The following E2F6 variants were observed in gnomAD, a reference collection of about 807,000 sequenced individuals.
E2F6 encodes E2F transcription factor 6.
In E2F6, 19 loss-of-function variants were observed where a neutral mutation model predicts 31.5. The observed-to-expected ratio is 0.60, with a 90% CI of 0.42 to 0.89. The LOEUF (loss-of-function observed/expected upper bound fraction) is 0.89, where lower values mean the gene tolerates loss of function less well. Among genes scored for constraint, E2F6 ranks in the 40% least tolerant of loss-of-function variants. E2F6 has a pLI of 0.00. For missense variants in E2F6, 269 were observed against 341.6 expected (o/e 0.79, Z 1.67); for synonymous variants, 121 against 127.7 (o/e 0.95, Z 0.36).
At chr2:11,461,491 A>G (rs1032049017) in intron 1 of E2F6, among the ~76,000 whole-genome samples, 2 of 152,186 alleles carry the variant, frequency 1.3e-5, no homozygotes, top group African/African-American at 2.4e-5. Flanking sequence ...AGCTGGGATT[A>G]CAGGCGCACG....
intron 1 of E2F6, among the ~76,000 whole-genome samples, chr2:11,461,665 T>G (rs1671791295): frequency 6.6e-6 from 1 of 152,224 alleles, no homozygotes. Context: ...GAGTTCAACT[T>G]CCATTGTAAT....
At chr2:11,460,207 A>C (rs1199271656) in intron 1 of E2F6, among the ~76,000 whole-genome samples, 2 of 152,144 alleles carry the variant, frequency 1.3e-5, no homozygotes, top group Non-Finnish European at 2.9e-5. Flanking sequence ...AGCTGGTTAA[A>C]CCTTTCTCTA....
intron 1 of E2F6, among the ~76,000 whole-genome samples, chr2:11,464,070 G>A (rs535860300): frequency 7.9e-5 from 12 of 151,984 alleles, no homozygotes; most frequent in South Asian, 2.1e-4. Context: ...GCTCAAGGGA[G>A]GGTTTCTAAC....
chr2:11,453,414 T>G (rs1671195685), intron 3 of E2F6, among the ~76,000 whole-genome samples, 168 bp downstream of exon 3: 1 of 152,224 alleles, frequency 6.6e-6, no homozygotes, highest in Non-Finnish European at 1.5e-5. Flanking sequence ...TTTAAAAAAT[T>G]TATGTACTCT....
chr2:11,451,145 A>G (rs1400083134), intron 4 of E2F6: 2 of 152,254 alleles, frequency 1.3e-5, no homozygotes, highest in Admixed American at 1.3e-4. Flanking sequence ...ACTTCACAAA[A>G]GCCAACAAAT....
chr2:11,448,614 A>T (rs1033875649), intron 5 of E2F6, among the ~76,000 whole-genome samples: 2 of 152,196 alleles, frequency 1.3e-5, no homozygotes, highest in Non-Finnish European at 2.9e-5. Flanking sequence ...GCTAGAGAAC[A>T]TCTGTGCTCA....
At chr2:11,448,647 A>C (rs1398572699) in intron 5 of E2F6, among the ~76,000 whole-genome samples, 3 of 152,196 alleles carry the variant, frequency 2.0e-5, no homozygotes, top group African/African-American at 7.2e-5. Context: ...CCAGGTCACA[A>C]CTGGTTTGAA....
chr2:11,454,661 T>C (rs149334793), intron 2 of E2F6, among the ~76,000 whole-genome samples: 318 of 152,244 alleles, frequency 2.1e-3, no homozygotes, highest in Non-Finnish European at 3.7e-3. Context: ...CCAGTATCTC[T>C]ATTTTTAAAA....
chr2:11,452,022 C>CA (rs1357000098), intron 3 of E2F6, among the ~76,000 whole-genome samples: 3 of 151,888 alleles, frequency 2.0e-5, no homozygotes, highest in African/African-American at 7.3e-5. Flanking sequence ...CAGTCTTTTT[C>CA]AAAAAAATAC....
In E2F6 at chr2:11,466,068, G is replaced by A. The variant is rs1572523593; in HGVS notation, c.-189C>T. On this transcript the variant is annotated 5_prime_UTR_variant, in exon 1 of 7. Transcript: ENST00000381525. ...CAGTAAACGCGGCACGGCCTCACGT[G>A]CCCGGGAGCTCCCGACGCAGACGGA... 2 of 531,254 alleles carry A rather than the reference G, an allele frequency of 3.8e-6. No homozygotes were observed. Among genetic ancestry groups the A allele is most frequent in the African/African-American group, 2.0e-5 (1 of 49,300 alleles). The allele number at this position is 531,254 out of a possible 1,614,324, so 32.9% of individuals were successfully genotyped here.
intron 5 of E2F6, among the ~76,000 whole-genome samples, chr2:11,449,164 TAAA>T: frequency 6.6e-6 from 1 of 152,274 alleles, no homozygotes; most frequent in African/African-American, 2.4e-5. Context: ...TTCTTAAAAA[TAAA>T]ACAACTAGGA....
intron 6 of E2F6, 82 bp from the exon 7 acceptor site, chr2:11,446,605 C>T: frequency 2.6e-6 from 3 of 1,163,980 alleles, no homozygotes; most frequent in Non-Finnish European, 2.5e-6. Context: ...TAAAAGAATA[C>T]ACAATCTGAC....
intron 1 of E2F6, among the ~76,000 whole-genome samples, chr2:11,461,132 C>T (rs1375877447): frequency 6.6e-6 from 1 of 152,138 alleles, no homozygotes; most frequent in Non-Finnish European, 1.5e-5. Context: ...CAGAATTAAT[C>T]CCCTTAGACA....
At position 11,453,725 on chromosome 2, in the gene E2F6, G is replaced by T; in HGVS notation, c.237C>A (p.Val79=). The part of the protein sequence containing the change: ...VYLTRKFMDL[V]RSAPGGILDL... Reference sequence around the variant, plus strand: ...CAAGAATACCCCCGGGAGCAGATCTGACAAGATCCATAAATTTTCGAGTTA... The same window carrying T: ...CAAGAATACCCCCGGGAGCAGATCTTACAAGATCCATAAATTTTCGAGTTA... The change falls in exon 3 of 7, where the codon GTC becomes GTA. Residue 79 remains valine, a synonymous_variant. Coordinates refer to ENST00000381525, the MANE Select transcript of E2F6 (RefSeq NM_198256.4). The T allele has an allele frequency of 6.2e-7, 1 of 1,614,140 alleles. No individual in the cohort carries two copies. The highest frequency in any genetic ancestry group is 1.1e-5 in the South Asian group (1 of 91,076).
intron 2 of E2F6, among the ~76,000 whole-genome samples, chr2:11,454,992 T>C (rs1290695394): frequency 6.6e-6 from 1 of 152,240 alleles, no homozygotes; most frequent in Admixed American, 6.5e-5. Flanking sequence ...TCTCCAACTT[T>C]ACGATTTTGC....
At chr2:11,449,662 C>A (rs1398439161) in intron 5 of E2F6, among the ~76,000 whole-genome samples, 1 of 152,180 alleles carries the variant, frequency 6.6e-6, no homozygotes, top group East Asian at 1.9e-4. Flanking sequence ...GACACCAGAC[C>A]TTACTTTTGC....
chr2:11,455,247 A>ATTC, intron 2 of E2F6: 5 of 942,282 alleles, frequency 5.3e-6, no homozygotes, highest in Non-Finnish European at 6.6e-6. Context: ...TTTCTAAAAT[A>ATTC]ACTTTGTCAC....
In E2F6 at chr2:11,447,007, GGTGGAGCTGTTGGCTGGGTACTGT is replaced by G. The variant is rs1670758423; in HGVS notation, c.800-508_800-485del. Among the ~76,000 whole-genome samples, 20 of 152,338 alleles carry G rather than the reference GGTGGAGCTGTTGGCTGGGTACTGT, an allele frequency of 1.3e-4. No homozygotes were observed. The South Asian group carries it at 4.1e-3, about 32-fold the overall frequency. ...TTGGCTGGGTCTTTGTTCGGATGTCGGTGGAGCTGTTGGCTGGGTACTGTGATGGCTTCTGCCCAGGCCGGTCAC... is the reference window on the plus strand; with the variant it reads ...TTGGCTGGGTCTTTGTTCGGATGTCGGATGGCTTCTGCCCAGGCCGGTCAC... On this transcript the variant is annotated intron_variant, in intron 6 of 6. Coordinates refer to ENST00000381525, the MANE Select transcript of E2F6 (RefSeq NM_198256.4).
intron 6 of E2F6, 117 bp from the exon 7 acceptor site, chr2:11,446,640 CT>C: frequency 1.2e-6 from 1 of 825,780 alleles, no homozygotes; most frequent in Non-Finnish European, 2.0e-6. Flanking sequence ...CTGAAGATGC[CT>C]GGTCAAGAAC....
Sources: allele counts gnomAD v4.1 joint callset (sites outside exome capture counted in the v4.1 genomes callset), GRCh38; gene constraint gnomAD v4.1.1; transcripts MANE v1.5; gene names NCBI Gene and HGNC (gene_info 2026-07-23, HGNC 2026-07-21).